USP39: variants seen among roughly 807,000 people sequenced by gnomAD.
USP39 encodes the protein ubiquitin specific peptidase 39.
Under a neutral mutation model 66.4 loss-of-function variants are expected in USP39, and 38 were observed. That is an observed-to-expected ratio of 0.57 (90% CI 0.44 to 0.75). The LOEUF is 0.75. USP39 is among the 30% of genes least tolerant of loss of function. USP39 has a pLI of 0.00. For synonymous variants in USP39, 303 were observed against 274.6 expected, an observed-to-expected ratio of 1.10 and a Z score of -1.02; for missense variants, 608 against 714.4, an observed-to-expected ratio of 0.85 and a Z score of 1.70.
At chr2:85,636,167 C>A in intron 7 of USP39, 37 bp downstream of exon 7, 1 of 1,601,746 alleles carries the variant, frequency 6.2e-7, no homozygotes. Flanking sequence ...TTATTTTGTT[C>A]CCTTTTAAAA....
In USP39 at chr2:85,648,903, T is replaced by A; in HGVS notation, c.*95T>A. The A allele has an allele frequency of 6.7e-7, 1 of 1,483,436 alleles. No individual in the cohort carries two copies. Among genetic ancestry groups the A allele is most frequent in the Non-Finnish European group, 9.3e-7 (1 of 1,070,882 alleles). The allele number at this position is 1,483,436 out of a possible 1,614,324, so 91.9% of individuals were successfully genotyped here. A position where few individuals can be genotyped will look rare whatever the true frequency, so the allele number is the denominator to read the frequency against. On this transcript the variant is annotated 3_prime_UTR_variant, in exon 13 of 13. Coordinates refer to ENST00000323701, the MANE Select transcript of USP39 (RefSeq NM_006590.4). ...GCTGAACACAGGCTGGCTGGTGGGCTTCCTAGGCCAGCCCAGCTTGTATGG... is the reference window on the plus strand; with the variant it reads ...GCTGAACACAGGCTGGCTGGTGGGCATCCTAGGCCAGCCCAGCTTGTATGG...
At position 85,639,226 on chromosome 2, in the gene USP39, G is replaced by A. The variant is rs374506145; in HGVS notation, c.1119G>A (p.Leu373=). The A allele has an allele frequency of 1.9e-6, 3 of 1,612,260 alleles. No homozygotes were observed. The highest frequency in any genetic ancestry group is 2.7e-5 in the African/African-American group (2 of 74,778). The part of the protein sequence containing the change: ...PDLPAEEKEQ[L]LHNDEYQETM... ...AGCCAGCAGAAGAAAAAGAGCAGTT[G>A]CTCCATAATGACGAGTACCAGGAGA... Residue 373 remains leucine (L), a synonymous_variant, in exon 9 of 13, where the codon TTG becomes TTA. Transcript: ENST00000323701.
intron 10 of USP39, 30 bp from the exon 11 acceptor site, chr2:85,644,918 T>C (rs766944482): frequency 6.2e-7 from 1 of 1,613,406 alleles, no homozygotes; most frequent in Non-Finnish European, 8.5e-7. Context: ...CTTTGTCTGA[T>C]TATTCCGGCT....
At chr2:85,626,340 G>C (rs62166774) in intron 5 of USP39, among the ~76,000 whole-genome samples, 68,814 of 152,000 alleles carry the variant, frequency 0.45, 18,254 homozygotes, top group African/African-American at 0.75. Context: ...GCCTGGGCAA[G>C]AAGAGCGAAA....
rs1472024848 is a variant in USP39 at position 85,631,997 on chromosome 2, C to T, written c.949+1051C>T. On this transcript the variant is annotated intron_variant, in intron 6 of 12. Transcript: ENST00000323701. The stretch of plus-strand genomic sequence containing the variant: ...CCTCAAGTGATCCACCCGCTTCGGC[C>T]TCCCAAAGTGTTGGGATTACGGGTG... Among the ~76,000 whole-genome samples the T allele has an allele frequency of 6.6e-5, 10 of 152,218 alleles. No individual in the cohort carries two copies. In the East Asian group the frequency reaches 1.9e-3, roughly 29 times the overall value.
At position 85,630,786 on chromosome 2, in the gene USP39, A is replaced by G; in HGVS notation, c.789A>G (p.Lys263=). ...AAGAAGACAATTATAAGAACATCAA[A>G]CGTCCTCCAGGGGATATCATGTTCT... is the stretch of plus-strand genomic sequence containing the variant. ...FLEEDNYKNI[K]RPPGDIMFLL... is the part of the protein sequence containing the mutation. The change falls in exon 6 of 13, where the codon AAA becomes AAG. Residue 263 remains lysine, a synonymous_variant. Transcript: ENST00000323701. 1 of 1,614,164 alleles carries G rather than the reference A, an allele frequency of 6.2e-7. No homozygotes were observed. Among genetic ancestry groups the G allele is most frequent in the Non-Finnish European group, 8.5e-7 (1 of 1,180,016 alleles).
chr2:85,646,867 T>C (rs1415396781), intron 11 of USP39, among the ~76,000 whole-genome samples: 1 of 151,748 alleles, frequency 6.6e-6, no homozygotes, highest in Admixed American at 6.6e-5. Flanking sequence ...GGACACCTTT[T>C]CTTGATGACC....
intron 8 of USP39, among the ~76,000 whole-genome samples, chr2:85,638,370 T>C (rs887232432): frequency 2.2e-4 from 33 of 151,828 alleles, no homozygotes; most frequent in African/African-American, 7.0e-4. Context: ...ACAAGATCTC[T>C]GTCACTCAGG....
intron 1 of USP39, among the ~76,000 whole-genome samples, chr2:85,604,501 C>T (rs1247580154): frequency 2.0e-5 from 3 of 152,098 alleles, no homozygotes; most frequent in African/African-American, 4.8e-5. Context: ...TGTGAACCAC[C>T]GTGCCCAGCG....
intron 7 of USP39, 67 bp from the exon 8 acceptor site, chr2:85,637,302 C>A: frequency 6.4e-7 from 1 of 1,552,700 alleles, no homozygotes; most frequent in Non-Finnish European, 8.9e-7. Context: ...AATTTAGAAG[C>A]TGGAAATATA....
At chr2:85,631,577 G>C (rs1675339940) in intron 6 of USP39, among the ~76,000 whole-genome samples, 1 of 152,102 alleles carries the variant, frequency 6.6e-6, no homozygotes, top group African/African-American at 2.4e-5. Flanking sequence ...AGTCCCAGGA[G>C]ATTCTAGCTG....
At chr2:85,611,931 C>T, upstream of USP39, 2 of 1,587,000 alleles carry the variant, frequency 1.3e-6, no homozygotes, top group Non-Finnish European at 1.7e-6. Context: ...TCATGTCCAG[C>T]CGCCCCCCAG....
intron 6 of USP39, among the ~76,000 whole-genome samples, chr2:85,632,614 A>G (rs1305220302): frequency 6.6e-6 from 1 of 151,582 alleles, no homozygotes; most frequent in African/African-American, 2.4e-5. Flanking sequence ...TGCCCAGCTA[A>G]TTTTTTTGTA....
rs146942845 is a variant in USP39, at chr2:85,636,243, G to A, written c.1027+113G>A. On this transcript the variant is annotated intron_variant, in intron 7 of 12. Coordinates refer to ENST00000323701, the MANE Select transcript of USP39 (RefSeq NM_006590.4). The stretch of plus-strand genomic sequence containing the variant: ...AGCTCTTTGAGAGGCCGAGGTGGGT[G>A]GATTACCTGAGGTCAGGAGTTTGAG... The A allele has an allele frequency of 7.4e-3, 7,192 of 972,580 alleles. 95 individuals carry two copies. Among genetic ancestry groups the A allele is most frequent in the African/African-American group, 0.043 (2,650 of 61,226 alleles). The allele number at this position is 972,580 out of a possible 1,614,324, so 60.2% of individuals were successfully genotyped here.
chr2:85,647,658 C>CAAA (rs397707342), intron 11 of USP39, among the ~76,000 whole-genome samples: 3 of 82,466 alleles, frequency 3.6e-5, no homozygotes, highest in South Asian at 4.5e-4. Flanking sequence ...GACCCTGTCT[C>CAAA]AAAAAAAAAA....
chr2:85,639,276 A>G lies in USP39; in HGVS notation c.1169A>G (p.Tyr390Cys). The G allele has an allele frequency of 6.2e-7, 1 of 1,613,950 alleles. No individual in the cohort carries two copies. Among genetic ancestry groups the G allele is most frequent in the Non-Finnish European group, 8.5e-7 (1 of 1,180,010 alleles). Reference sequence around the variant, plus strand: ...ACAATGGTGGAGTCCACTTTTATGTACCTGACGCTGGACCTTCCTACTGCC... The same window carrying G: ...ACAATGGTGGAGTCCACTTTTATGTGCCTGACGCTGGACCTTCCTACTGCC... Reference protein sequence around the residue: ...QETMVESTFMYLTLDLPTAPL... With the variant: ...QETMVESTFMCLTLDLPTAPL... The change falls in exon 9 of 13, where the codon TAC (tyrosine) becomes TGC (cysteine). Residue 390 changes from tyrosine (Y) to cysteine (C), a missense_variant. By Grantham distance (194) the Tyr-to-Cys change is radical. Around this residue, in one of 6 missense-constraint regions of USP39, gnomAD observed 164 missense variants for 250.3 expected, o/e 0.66. Transcript: ENST00000323701.
At chr2:85,627,494 G>T (rs975786114) in intron 5 of USP39, among the ~76,000 whole-genome samples, 4 of 151,400 alleles carry the variant, frequency 2.6e-5, no homozygotes, top group African/African-American at 9.7e-5. Flanking sequence ...GGGAAAACAT[G>T]TATAAATTGT....
At chr2:85,609,034 A>C, upstream of USP39, 1 of 1,614,206 alleles carries the variant, frequency 6.2e-7, no homozygotes, top group South Asian at 1.1e-5. Flanking sequence ...GTGTGTGCCG[A>C]CACCTTCTCA....
chr2:85,626,584 T>G (rs951338556), intron 5 of USP39, among the ~76,000 whole-genome samples: 1 of 152,194 alleles, frequency 6.6e-6, no homozygotes, highest in Non-Finnish European at 1.5e-5. Flanking sequence ...CAGTATCAAG[T>G]AAGAAACATG....
Sources: gnomAD v4.1 joint callset for allele counts (sites outside exome capture counted in the v4.1 genomes callset) on GRCh38, gnomAD v4.1.1 for gene constraint, gnomAD v4.1.1 regional missense constraint, MANE v1.5 for transcripts, NCBI Gene and HGNC (gene_info 2026-07-23, HGNC 2026-07-21) for gene names.